DNAH5: variants seen among roughly 807,000 people sequenced by gnomAD.
DNAH5 encodes dynein axonemal heavy chain 5, also known as axonemal beta dynein heavy chain 5.
A neutral mutation model predicts 518.2 loss-of-function variants in DNAH5; 372 were observed. The observed-to-expected ratio is 0.72, with a 90% CI of 0.66 to 0.78. The LOEUF (loss-of-function observed/expected upper bound fraction) is 0.78, where lower values mean the gene tolerates loss of function less well. DNAH5 is among the 30% of genes least tolerant of loss of function. The pLI is 0.00. For missense variants in DNAH5, 5,523 were observed against 5,687.0 expected, an observed-to-expected ratio of 0.97 and a Z score of 0.93; for synonymous variants, 2,039 against 2,025.9, an observed-to-expected ratio of 1.01 and a Z score of -0.17.
intron 1 of DNAH5, among the ~76,000 whole-genome samples, chr5:13,951,990 A>G (rs1258570574): frequency 6.6e-6 from 1 of 152,228 alleles, no homozygotes; most frequent in Non-Finnish European, 1.5e-5. Context: ...ATTTAATGAG[A>G]AAAGTGAATC....
At chr5:13,951,199 G>T (rs10475000) in intron 1 of DNAH5, among the ~76,000 whole-genome samples, 66 of 49,680 alleles carry the variant, frequency 1.3e-3, no homozygotes, top group African/African-American at 2.6e-3. Context: ...TTTTTTTTTT[G>T]TTTTTTTCGT....
At chr5:13,868,972 T>C (rs1374383772) in intron 24 of DNAH5, among the ~76,000 whole-genome samples, 2 of 152,328 alleles carry the variant, frequency 1.3e-5, no homozygotes, top group South Asian at 2.1e-4. Context: ...TGATCTTGTC[T>C]ACTTGATTCT....
chr5:13,721,127 A>G lies in DNAH5; in HGVS notation c.12152T>C (p.Met4051Thr), dbSNP rs145655374. Residue 4051 changes from methionine (M) to threonine (T), a missense_variant, in exon 71 of 79, where the codon ATG (methionine) becomes ACG (threonine). Met to Thr is a moderately conservative substitution (Grantham distance 81, BLOSUM62 -1). Coordinates refer to ENST00000265104, the MANE Select transcript of DNAH5 (RefSeq NM_001369.3). ...GATGGAATCTGTGGGGTCTGAGCCC[A>G]TAGACAGGAGACAGATGAGTGGCGT... Reference protein sequence around the residue: ...PRTPLICLLSMGSDPTDSIIA... With the variant: ...PRTPLICLLSTGSDPTDSIIA... The G allele has an allele frequency of 3.1e-6, 5 of 1,614,152 alleles. No individual in the cohort carries two copies. The highest frequency in any genetic ancestry group is 4.2e-6 in the Non-Finnish European group (5 of 1,179,990).
Position 13,717,337 on chromosome 5 carries a change from A to C in DNAH5, c.12683T>G (p.Leu4228Trp). 1 of 1,613,936 alleles carries C rather than the reference A, an allele frequency of 6.2e-7. No individual in the cohort carries two copies. Among genetic ancestry groups the C allele is most frequent in the Non-Finnish European group, 8.5e-7 (1 of 1,179,966 alleles). Reference protein sequence around the residue: ...NATVQFIQNHLDDMDVKKGVS... With the variant: ...NATVQFIQNHWDDMDVKKGVS... ...TACCTTTTTGACATCCATGTCATCC[A>C]AGTGGTTTTGGATGAACTGCACAGT... The change falls in exon 73 of 79, where the codon TTG becomes TGG. Residue 4228 changes from leucine to tryptophan, a missense_variant. This residue lies in a region of DNAH5 where 5,121 missense variants were observed against 5,223.3 expected (regional missense o/e 0.98). Coordinates refer to ENST00000265104, the MANE Select transcript of DNAH5 (RefSeq NM_001369.3).
At chr5:13,733,714 C>T (rs1746937680) in intron 68 of DNAH5, among the ~76,000 whole-genome samples, 1 of 152,110 alleles carries the variant, frequency 6.6e-6, no homozygotes, top group South Asian at 2.1e-4. Context: ...TATATACACA[C>T]ACACATATGC....
At chr5:13,875,301 C>G (rs1225633626) in intron 22 of DNAH5, among the ~76,000 whole-genome samples, 3 of 151,936 alleles carry the variant, frequency 2.0e-5, no homozygotes, top group Non-Finnish European at 4.4e-5. Context: ...AACCCTGTCT[C>G]TACTAAAAAT....
intron 3 of DNAH5, among the ~76,000 whole-genome samples, chr5:13,927,668 T>C (rs1182225652): frequency 6.6e-6 from 1 of 152,242 alleles, no homozygotes. Context: ...TTACACATGC[T>C]GGCAATAATT....
chr5:13,709,617 C>T (rs940194470), intron 75 of DNAH5, among the ~76,000 whole-genome samples: 2 of 152,094 alleles, frequency 1.3e-5, no homozygotes, highest in East Asian at 1.9e-4. Context: ...ACATTAGCTC[C>T]GGATCTACTC....
intron 14 of DNAH5, chr5:13,900,766 A>G (rs1561534700): frequency 6.0e-6 from 2 of 330,984 alleles, no homozygotes; most frequent in Non-Finnish European, 1.1e-5. Flanking sequence ...GACCTCCTAA[A>G]CTCAGTTTTT....
At chr5:13,827,313 A>G (rs1007468796) in intron 38 of DNAH5, among the ~76,000 whole-genome samples, 10 of 151,798 alleles carry the variant, frequency 6.6e-5, no homozygotes, top group Non-Finnish European at 1.3e-4. Context: ...TCACCAAGAC[A>G]ATGGAGAAAA....
At chr5:13,829,414 C>A (rs1763335406) in intron 38 of DNAH5, 96 bp downstream of exon 38, 1 of 1,305,542 alleles carries the variant, frequency 7.7e-7, no homozygotes, top group East Asian at 2.4e-5. Context: ...AATCCTTTGT[C>A]AACAAGCCCA....
rs368576880 is a variant in DNAH5, at chr5:13,841,063, A to G, written c.5552T>C (p.Phe1851Ser). The G allele has an allele frequency of 1.7e-5, 28 of 1,614,016 alleles. No individual in the cohort carries two copies. Among genetic ancestry groups the G allele is most frequent in the Admixed American group, 3.3e-5 (2 of 60,000 alleles). ...AGTTTTCTGCATGATTTTTTTATCAAACTTGGCATTTCTAAGGGCTTCTTC... is the reference window on the plus strand; with the variant it reads ...AGTTTTCTGCATGATTTTTTTATCAGACTTGGCATTTCTAAGGGCTTCTTC... ...DSEEALRNAK[F>S]DKKIMQKTNQ... The change falls in exon 34 of 79, where the codon TTT (phenylalanine) becomes TCT (serine). Residue 1851 changes from phenylalanine to serine, a missense_variant. Around this residue, in one of 3 missense-constraint regions of DNAH5, gnomAD observed 5,121 missense variants for 5,223.3 expected, o/e 0.98. Transcript: ENST00000265104.
chr5:13,893,284 G>A (rs1300377314), intron 16 of DNAH5, among the ~76,000 whole-genome samples: 1 of 152,090 alleles, frequency 6.6e-6, no homozygotes, highest in Non-Finnish European at 1.5e-5. Flanking sequence ...GAGGCATCAC[G>A]AGAGCTATCT....
intron 76 of DNAH5, 87 bp downstream of exon 76, chr5:13,708,036 A>G: frequency 7.0e-7 from 1 of 1,435,644 alleles, no homozygotes; most frequent in Non-Finnish European, 9.8e-7. Context: ...ATGTTGAGTA[A>G]ATTATCCTTT....
At chr5:13,797,983 T>G (rs1758085584) in intron 47 of DNAH5, among the ~76,000 whole-genome samples, 1 of 145,894 alleles carries the variant, frequency 6.9e-6, no homozygotes, top group Non-Finnish European at 1.5e-5. Context: ...ATGTTCTCAC[T>G]CATAGGTGGG....
At chr5:13,816,953 CG>C (rs1479143959) in intron 42 of DNAH5, among the ~76,000 whole-genome samples, 3 of 152,174 alleles carry the variant, frequency 2.0e-5, no homozygotes, top group African/African-American at 7.2e-5. Context: ...CTCTTCCCAC[CG>C]AATTTATATT....
intron 1 of DNAH5, among the ~76,000 whole-genome samples, chr5:13,952,770 C>T (rs1356282911): frequency 2.0e-5 from 3 of 152,154 alleles, no homozygotes; most frequent in Non-Finnish European, 4.4e-5. Flanking sequence ...CGTTTATTTA[C>T]CCATTGCTGT....
chr5:13,771,219 T>C, intron 55 of DNAH5: 1 of 515,504 alleles, frequency 1.9e-6, no homozygotes, highest in Non-Finnish European at 3.5e-6. Context: ...CTTTGTTGCC[T>C]GGTGCTTGTG....
At chr5:13,998,729 G>A (rs1256796485) in intron 1 of DNAH5, among the ~76,000 whole-genome samples, 1 of 152,206 alleles carries the variant, frequency 6.6e-6, no homozygotes, top group Non-Finnish European at 1.5e-5. Flanking sequence ...CTGAGAGGAT[G>A]ACAAAAAATA....
Sources: gnomAD v4.1 joint callset for allele counts (sites outside exome capture counted in the v4.1 genomes callset) on GRCh38, gnomAD v4.1.1 for gene constraint, gnomAD v4.1.1 regional missense constraint, MANE v1.5 for transcripts, NCBI Gene and HGNC (gene_info 2026-07-23, HGNC 2026-07-21) for gene names.